GOLIM4: variants seen among roughly 807,000 people sequenced by gnomAD.
GOLIM4 encodes the protein 130 kDa golgi-localized phosphoprotein.
Under a neutral mutation model 107.4 loss-of-function variants are expected in GOLIM4, and 71 were observed. The observed-to-expected ratio is 0.66, with a 90% CI of 0.55 to 0.81. The LOEUF (loss-of-function observed/expected upper bound fraction) is 0.81. GOLIM4 is among the 30% of genes least tolerant of loss of function. The pLI is 0.00. For synonymous variants in GOLIM4, 327 were observed against 294.8 expected (o/e 1.11, Z -1.12); for missense variants, 830 against 826.1 (o/e 1.00, Z -0.06).
At chr3:168,060,693 A>C (rs987166411) in intron 1 of GOLIM4, among the ~76,000 whole-genome samples, 4 of 152,206 alleles carry the variant, frequency 2.6e-5, no homozygotes, top group African/African-American at 9.6e-5. Context: ...TAAAATAAGA[A>C]TGTGGAGTGC....
At position 168,010,150 on chromosome 3, in the gene GOLIM4, A is replaced by T. The variant is rs562923512; in HGVS notation, c.*119T>A. 88 of 885,324 alleles carry T rather than the reference A, an allele frequency of 9.9e-5. No homozygotes were observed. The highest frequency in any genetic ancestry group is 9.4e-4 in the Middle Eastern group (4 of 4,264). 54.8% of individuals were successfully genotyped at this position (885,324 alleles called of 1,614,324 possible). A position where few individuals can be genotyped will look rare whatever the true frequency, so the allele number is the denominator to read the frequency against. ...TGCGCATTTCTAATACAAAAGTTTT[A>T]AAAAAGTCTAAGTTCTTAATTTTTG... is the stretch of plus-strand genomic sequence containing the variant. On this transcript the variant is annotated 3_prime_UTR_variant, in exon 16 of 16. Transcript: ENST00000470487.
rs776151545 is a variant in GOLIM4, at chr3:168,024,571, C to T, written c.1815G>A (p.Gln605=). ...GGTACTGTTCATCAACATTGTCCTC[C>T]TGCTGGTCTGGATTTCCTGCCATCT... ...HLVMAGNPDQ[Q]EDNVDEQYQE... is the part of the protein sequence containing the mutation. Residue 605 remains glutamine (Q), a synonymous_variant, in exon 14 of 16, where the codon CAG becomes CAA. Coordinates refer to ENST00000470487, the MANE Select transcript of GOLIM4 (RefSeq NM_014498.5). The T allele has an allele frequency of 7.4e-6, 12 of 1,613,614 alleles. No individual in the cohort carries two copies. Among genetic ancestry groups the T allele is most frequent in the Middle Eastern group, 1.7e-4 (1 of 6,060 alleles).
chr3:168,079,476 T>C lies in GOLIM4; in HGVS notation c.187+15623A>G, dbSNP rs572255248. 1.5e-4 allele frequency among the ~76,000 whole-genome samples: 23 copies of C among 152,328 alleles called. No individual in the cohort carries two copies. The South Asian group carries it at 4.4e-3, about 29-fold the overall frequency. ...GGTCTTGCCATGTGTTTTGATCTCA[T>C]TGCTGGTTATACAGTTGTGTTTGTG... is the stretch of plus-strand genomic sequence containing the variant. On this transcript the variant is annotated intron_variant, in intron 1 of 15. Transcript: ENST00000470487.
At chr3:168,039,549 C>T (rs1718860514) in intron 7 of GOLIM4, among the ~76,000 whole-genome samples, 1 of 152,172 alleles carries the variant, frequency 6.6e-6, no homozygotes, top group Admixed American at 6.5e-5. Flanking sequence ...CAGGCATGAG[C>T]CACGGTGCCC....
At chr3:168,065,031 T>G (rs1468503809) in intron 1 of GOLIM4, among the ~76,000 whole-genome samples, 1 of 152,014 alleles carries the variant, frequency 6.6e-6, no homozygotes, top group Non-Finnish European at 1.5e-5. Context: ...ATGAGGATTT[T>G]TCAAGTAGTT....
rs562132863 is a variant in GOLIM4, at chr3:168,085,330, C to G, written c.187+9769G>C. ...GTACTATTTCATCAGATGACAGAAC[C>G]TCCTAAGGGTTCCTCAGAGCCTCAT... On this transcript the variant is annotated intron_variant, in intron 1 of 15. Coordinates refer to ENST00000470487, the MANE Select transcript of GOLIM4 (RefSeq NM_014498.5). Among the ~76,000 whole-genome samples the G allele has an allele frequency of 3.3e-5, 5 of 152,272 alleles. No individual in the cohort carries two copies. In the South Asian group the frequency reaches 6.2e-4, roughly 19 times the overall value.
chr3:168,033,331 C>T (rs962882463), intron 8 of GOLIM4, among the ~76,000 whole-genome samples: 2 of 147,940 alleles, frequency 1.4e-5, no homozygotes, highest in Admixed American at 1.4e-4. Flanking sequence ...ATTGGCCGGG[C>T]GCGGTGGCTC....
At chr3:168,075,717 T>G (rs1721054887) in intron 1 of GOLIM4, among the ~76,000 whole-genome samples, 3 of 152,176 alleles carry the variant, frequency 2.0e-5, no homozygotes, top group Non-Finnish European at 2.9e-5. Flanking sequence ...TCTCATTGCT[T>G]CTTCTATCAT....
chr3:168,013,576 A>G (rs1460482948), intron 14 of GOLIM4, among the ~76,000 whole-genome samples: 2 of 144,996 alleles, frequency 1.4e-5, no homozygotes, highest in African/African-American at 5.7e-5. Flanking sequence ...CCCCAAATCA[A>G]CAGAATATAC....
chr3:168,060,040 T>C (rs1053589796), intron 1 of GOLIM4, among the ~76,000 whole-genome samples: 4 of 151,496 alleles, frequency 2.6e-5, no homozygotes, highest in African/African-American at 9.7e-5. Flanking sequence ...AGTGCAATGG[T>C]CACAGAGCCC....
intron 14 of GOLIM4, among the ~76,000 whole-genome samples, chr3:168,018,309 C>T (rs1028850881): frequency 6.6e-6 from 1 of 152,086 alleles, no homozygotes; most frequent in African/African-American, 2.4e-5. Context: ...TGAAGGTGTA[C>T]AGCCCAGGTG....
intron 12 of GOLIM4, among the ~76,000 whole-genome samples, chr3:168,025,859 C>A (rs1215748456): frequency 6.6e-6 from 1 of 152,152 alleles, no homozygotes; most frequent in African/African-American, 2.4e-5. Flanking sequence ...TTCAATTTTC[C>A]ACTTAAGCTC....
chr3:168,077,631 T>C (rs1721138278), intron 1 of GOLIM4, among the ~76,000 whole-genome samples: 1 of 152,222 alleles, frequency 6.6e-6, no homozygotes, highest in Non-Finnish European at 1.5e-5. Context: ...CAAAAACTAA[T>C]ATATTGACTC....
intron 14 of GOLIM4, among the ~76,000 whole-genome samples, chr3:168,013,406 T>C (rs1262390967): frequency 4.6e-5 from 7 of 151,918 alleles, no homozygotes; most frequent in Non-Finnish European, 2.9e-5. Flanking sequence ...CTGAGTGACC[T>C]ACAAAGAGAC....
At chr3:168,088,376 T>G (rs146219466) in intron 1 of GOLIM4, among the ~76,000 whole-genome samples, 2 of 152,264 alleles carry the variant, frequency 1.3e-5, no homozygotes, top group Non-Finnish European at 2.9e-5. Context: ...CAACAGTAGT[T>G]CTGGTCACCT....
At chr3:168,045,125 T>G (rs1039307681) in intron 3 of GOLIM4, among the ~76,000 whole-genome samples, 36 of 152,168 alleles carry the variant, frequency 2.4e-4, no homozygotes, top group African/African-American at 8.4e-4. Flanking sequence ...AACAGTAGCT[T>G]GAAAGAGCCC....
Position 168,041,384 on chromosome 3 carries a change from T to C in GOLIM4, c.600+8A>G. On this transcript the variant is annotated splice_region_variant and intron_variant, in intron 6 of 15. Coordinates refer to ENST00000470487, the MANE Select transcript of GOLIM4 (RefSeq NM_014498.5). Reference sequence around the variant, plus strand: ...CACTAAATAGTGAAACGTTTGGTTTTCTTTTACCTTGACATCTTGAAGCTG... The same window carrying C: ...CACTAAATAGTGAAACGTTTGGTTTCCTTTTACCTTGACATCTTGAAGCTG... 1 of 1,534,904 alleles carries C rather than the reference T, an allele frequency of 6.5e-7. No individual in the cohort carries two copies. Among genetic ancestry groups the C allele is most frequent in the Non-Finnish European group, 9.0e-7 (1 of 1,109,282 alleles).
intron 1 of GOLIM4, among the ~76,000 whole-genome samples, chr3:168,070,317 C>T (rs180679116): frequency 8.6e-4 from 131 of 152,258 alleles, no homozygotes; most frequent in African/African-American, 3.0e-3. Flanking sequence ...CACTTGAACC[C>T]GGGAGGCAGA....
rs373421459 is a variant in GOLIM4 at position 168,017,454 on chromosome 3, C to A, written c.1861-6631G>T. On this transcript the variant is annotated intron_variant, in intron 14 of 15. Coordinates refer to ENST00000470487, the MANE Select transcript of GOLIM4 (RefSeq NM_014498.5). ...GCAGTAAGCTATGTTTGTGTCACTG[C>A]ACAACAGCCTCGATGACTCAGCAAG... 1.5e-3 allele frequency among the ~76,000 whole-genome samples: 223 copies of A among 152,266 alleles called. No homozygotes were observed. In the East Asian group the frequency reaches 0.018, roughly 12 times the overall value.
Sources: allele counts gnomAD v4.1 joint callset (sites outside exome capture counted in the v4.1 genomes callset), GRCh38; gene constraint gnomAD v4.1.1; transcripts MANE v1.5; gene names NCBI Gene and HGNC (gene_info 2026-07-23, HGNC 2026-07-21).